Variants in MAP3K15 observed in about 807,000 individuals in gnomAD.
The protein encoded by MAP3K15 is MAPK/ERK kinase kinase 15.
Under a neutral mutation model 99.5 loss-of-function variants are expected in MAP3K15, and 124 were observed. The ratio of observed to expected loss-of-function variants is 1.25; its 90% CI spans 1.08 to 1.45. MAP3K15 has a LOEUF of 1.45. Ranked by LOEUF, MAP3K15 falls within the 40% of genes most tolerant of loss-of-function variation. The pLI is 0.00. For synonymous variants in MAP3K15, 494 were observed against 439.6 expected (o/e 1.12, Z -1.55); for missense variants, 1,242 against 1,079.7 (o/e 1.15, Z -2.11).
Position 19,425,524 on chromosome X carries a change from A to C in MAP3K15, c.1439+7T>G. The C allele has an allele frequency of 8.4e-7, 1 of 1,192,399 alleles. No homozygotes were observed. The highest frequency in any genetic ancestry group is 1.1e-6 in the Non-Finnish European group (1 of 890,940). On this transcript the variant is annotated splice_region_variant and intron_variant, in intron 9 of 28. Transcript: ENST00000338883. ...ATGGGTGATGACAACACACAGACAC[A>C]ACTCACCAGACTGGAGGTTTCAGTT...
intron 28 of MAP3K15, 173 bp downstream of exon 28, chrX:19,361,166 T>TTTCTGAC (rs1393492641): frequency 9.1e-6 from 4 of 441,451 alleles, no homozygotes; most frequent in Non-Finnish European, 1.6e-5. Flanking sequence ...CACATTCCTA[T>TTTCTGAC]TTCTGACTTC....
intron 18 of MAP3K15, 103 bp from the exon 19 acceptor site, chrX:19,380,380 G>A: frequency 2.2e-6 from 2 of 901,131 alleles, no homozygotes; most frequent in Admixed American, 3.1e-5. Flanking sequence ...AGGATCACCT[G>A]AGCCCAGGTG....
chrX:19,441,278 T>A (rs2063957778), intron 6 of MAP3K15, among the ~76,000 whole-genome samples: 1 of 108,672 alleles, frequency 9.2e-6, no homozygotes, highest in Admixed American at 9.9e-5. Context: ...ATTAACAGGT[T>A]GCCAAAATGG....
At chrX:19,478,708 A>T (rs751981831) in intron 3 of MAP3K15, among the ~76,000 whole-genome samples, 1 of 110,243 alleles carries the variant, frequency 9.1e-6, no homozygotes, top group South Asian at 3.9e-4. Flanking sequence ...AATCACCTAA[A>T]CCAGAGGTCA....
At chrX:19,427,442 A>C (rs2063841425) in intron 7 of MAP3K15, among the ~76,000 whole-genome samples, 1 of 111,714 alleles carries the variant, frequency 9.0e-6, no homozygotes, top group African/African-American at 3.3e-5. Flanking sequence ...TTTTTCATGC[A>C]GGAAGCCGTA....
intron 1 of MAP3K15, among the ~76,000 whole-genome samples, chrX:19,496,066 A>AT (rs374380661): frequency 0.089 from 8,154 of 91,484 alleles, 951 homozygotes; most frequent in African/African-American, 0.28. Flanking sequence ...CATCACCCCA[A>AT]TTTTTTTTTT....
chrX:19,406,663 G>A (rs1212239468), intron 13 of MAP3K15, among the ~76,000 whole-genome samples: 2 of 112,665 alleles, frequency 1.8e-5, no homozygotes, highest in African/African-American at 6.4e-5. Flanking sequence ...TATGGTGTTG[G>A]TTGGAAAACT....
Position 19,413,413 on chromosome X carries a change from T to G in MAP3K15, c.1642A>C (p.Asn548His). 1.7e-6 allele frequency: 2 copies of G among 1,209,460 alleles called. No homozygotes were observed. Among genetic ancestry groups the G allele is most frequent in the Non-Finnish European group, 2.2e-6 (2 of 894,233 alleles). The change falls in exon 11 of 29, where the codon AAC becomes CAC. Residue 548 changes from asparagine (N) to histidine (H), a missense_variant. Coordinates refer to ENST00000338883, the MANE Select transcript of MAP3K15 (RefSeq NM_001001671.4). ...ACTGTTCTCTCCTCGGCTTCATTGT[T>G]TATGGAAACATAAGAAGGCTGGTAC... ...KVYQPSYVSI[N>H]NEAEERTVSL...
intron 15 of MAP3K15, among the ~76,000 whole-genome samples, chrX:19,396,555 T>C (rs1439379032): frequency 8.9e-6 from 1 of 112,350 alleles, no homozygotes; most frequent in Non-Finnish European, 1.9e-5. Flanking sequence ...TTCTTATTGG[T>C]GAAATGAAGA....
chrX:19,383,722 G>A (rs746431071), intron 18 of MAP3K15, among the ~76,000 whole-genome samples: 1 of 112,061 alleles, frequency 8.9e-6, no homozygotes, highest in Non-Finnish European at 1.9e-5. Flanking sequence ...TGGCCAACAG[G>A]CATATGAAAG....
chrX:19,453,364 G>C (rs141249976), intron 6 of MAP3K15, among the ~76,000 whole-genome samples: 1,101 of 109,592 alleles, frequency 0.01, 17 homozygotes, highest in African/African-American at 0.034. Flanking sequence ...GCCAGGCGTG[G>C]TGATGCGCAC....
chrX:19,396,171 C>T (rs955645728), intron 15 of MAP3K15, among the ~76,000 whole-genome samples: 17 of 112,003 alleles, frequency 1.5e-4, no homozygotes, highest in Non-Finnish European at 2.8e-4. Context: ...ACCAGCAGAA[C>T]CCTGGGAAAA....
chrX:19,491,515 C>T (rs1169054545), intron 1 of MAP3K15, among the ~76,000 whole-genome samples: 1 of 109,013 alleles, frequency 9.2e-6, no homozygotes, highest in Non-Finnish European at 1.9e-5. Context: ...AAGGAAAGAG[C>T]GGTGCATTAA....
intron 6 of MAP3K15, among the ~76,000 whole-genome samples, chrX:19,436,429 C>G (rs1450382821): frequency 9.0e-6 from 1 of 111,401 alleles, no homozygotes; most frequent in Non-Finnish European, 1.9e-5. Flanking sequence ...TTTAGTCCAT[C>G]TCTCTGATCT....
At chrX:19,464,581 C>T (rs2064153647) in intron 3 of MAP3K15, among the ~76,000 whole-genome samples, 175 bp from the exon 4 acceptor site, 1 of 111,431 alleles carries the variant, frequency 9.0e-6, no homozygotes, top group African/African-American at 3.3e-5. Context: ...ATTTCAAAAG[C>T]TCTACCACGT....
intron 6 of MAP3K15, among the ~76,000 whole-genome samples, chrX:19,449,006 C>T (rs2064020648): frequency 9.1e-6 from 1 of 109,530 alleles, no homozygotes; most frequent in Non-Finnish European, 1.9e-5. Flanking sequence ...TTTCTCAAAC[C>T]ATTCCCCAAG....
At chrX:19,433,424 G>A (rs1033911505) in intron 6 of MAP3K15, among the ~76,000 whole-genome samples, 1 of 111,127 alleles carries the variant, frequency 9.0e-6, no homozygotes, top group Non-Finnish European at 1.9e-5. Flanking sequence ...TTTGAACTGG[G>A]AAATTCATCA....
chrX:19,447,690 C>G (rs1472356048), intron 6 of MAP3K15, among the ~76,000 whole-genome samples: 3 of 99,146 alleles, frequency 3.0e-5, no homozygotes, highest in Middle Eastern at 5.1e-3. Context: ...GAGACCATCC[C>G]GGCTAAAAGC....
At chrX:19,494,496 G>A (rs751664563) in intron 1 of MAP3K15, among the ~76,000 whole-genome samples, 49 of 111,931 alleles carry the variant, frequency 4.4e-4, no homozygotes, top group Non-Finnish European at 6.4e-4. Flanking sequence ...ACTTTAGTTC[G>A]TTGAAAACTT....
Sources: gnomAD v4.1 joint callset for allele counts (sites outside exome capture counted in the v4.1 genomes callset) on GRCh38, gnomAD v4.1.1 for gene constraint, MANE v1.5 for transcripts, NCBI Gene and HGNC (gene_info 2026-07-23, HGNC 2026-07-21) for gene names.